Variants in TMEM245 observed in about 807,000 individuals in gnomAD.
TMEM245 encodes the protein transmembrane protein 245, also known as protein CG-2.
TMEM245 carries 69 observed loss-of-function variants against 101.2 expected under a neutral mutation model. That is an observed-to-expected ratio of 0.68 (90% CI 0.56 to 0.83). The LOEUF (loss-of-function observed/expected upper bound fraction) is 0.83, where lower values mean the gene tolerates loss of function less well. Ranked by LOEUF, TMEM245 falls within the 40% of genes least tolerant of loss-of-function variation. The pLI is 0.00. For missense variants in TMEM245, 1,075 were observed against 1,092.8 expected, an observed-to-expected ratio of 0.98 and a Z score of 0.23; for synonymous variants, 537 against 449.8, an observed-to-expected ratio of 1.19 and a Z score of -2.45.
chr9:109,087,852 C>T (rs1829886457), intron 5 of TMEM245, among the ~76,000 whole-genome samples: 1 of 152,162 alleles, frequency 6.6e-6, no homozygotes, highest in Non-Finnish European at 1.5e-5. Flanking sequence ...AATGTTGTTC[C>T]TATTTCCCCA....
chr9:109,118,650 A>T (rs1830797077), intron 1 of TMEM245, among the ~76,000 whole-genome samples: 1 of 152,158 alleles, frequency 6.6e-6, no homozygotes, highest in Non-Finnish European at 1.5e-5. Flanking sequence ...AGGCGGGAGG[A>T]GGTGTGCTGT....
intron 5 of TMEM245, among the ~76,000 whole-genome samples, chr9:109,088,772 C>T (rs1005730280): frequency 2.0e-5 from 3 of 148,494 alleles, no homozygotes; most frequent in Admixed American, 1.3e-4. Flanking sequence ...GCCGAGATCC[C>T]GCCACTGCAC....
intron 14 of TMEM245, among the ~76,000 whole-genome samples, chr9:109,040,051 TGGA>T (rs1337470365): frequency 6.6e-6 from 1 of 152,226 alleles, no homozygotes; most frequent in African/African-American, 2.4e-5. Context: ...AAGGACCACG[TGGA>T]GAAGACAGCA....
At position 109,037,368 on chromosome 9, in the gene TMEM245, T is replaced by G. The variant is rs543582970; in HGVS notation, c.2224+649A>C. On this transcript the variant is annotated intron_variant, in intron 15 of 17. Transcript: ENST00000374586. ...GTTATGCTAAGTGCTAGAACATTCA[T>G]TCATTGAACAAACATGTAGGGCAAC... Among the ~76,000 whole-genome samples, 8 of 152,328 alleles carry G rather than the reference T, an allele frequency of 5.3e-5. No individual in the cohort carries two copies. In the South Asian group the frequency reaches 1.7e-3, roughly 32 times the overall value.
chr9:109,086,667 T>C (rs1010252058), intron 6 of TMEM245, among the ~76,000 whole-genome samples: 26 of 152,246 alleles, frequency 1.7e-4, no homozygotes, highest in African/African-American at 6.3e-4. Context: ...CATGGATTCA[T>C]AGTCCATGCT....
At chr9:109,044,907 A>C (rs1469219659) in intron 14 of TMEM245, among the ~76,000 whole-genome samples, 1 of 151,896 alleles carries the variant, frequency 6.6e-6, no homozygotes. Flanking sequence ...CTACAGGTGC[A>C]TGCCACCAAG....
chr9:109,057,075 AAAT>A, intron 12 of TMEM245, 113 bp downstream of exon 12: 1 of 1,136,014 alleles, frequency 8.8e-7, no homozygotes, highest in East Asian at 2.6e-5. Flanking sequence ...TCAAATATGT[AAAT>A]GTCATGATGT....
Position 109,119,314 on chromosome 9 carries a change from G to A in TMEM245, c.579+21C>T, listed in dbSNP as rs1180820545. 3 of 1,519,162 alleles carry A rather than the reference G, an allele frequency of 2.0e-6. 1 individual carries two copies. In the South Asian group the frequency reaches 3.6e-5, roughly 18 times the overall value. 94.1% of individuals were successfully genotyped at this position (1,519,162 alleles called of 1,614,324 possible). Reference sequence around the variant, plus strand: ...GCCGGGACCACGGGCGGGGGACGGGGGCGGACTGCCGCTCACTCACCCACA... The same window carrying A: ...GCCGGGACCACGGGCGGGGGACGGGAGCGGACTGCCGCTCACTCACCCACA... On this transcript the variant is annotated intron_variant, in intron 1 of 17. Transcript: ENST00000374586.
chr9:109,090,018 T>A (rs1279223399), intron 5 of TMEM245, among the ~76,000 whole-genome samples: 1 of 152,156 alleles, frequency 6.6e-6, no homozygotes, highest in Non-Finnish European at 1.5e-5. Context: ...GCCAGCACTT[T>A]GGGAGGCGGA....
intron 1 of TMEM245, among the ~76,000 whole-genome samples, chr9:109,110,322 ATAT>A (rs566485999): frequency 1.1e-4 from 17 of 152,234 alleles, no homozygotes; most frequent in South Asian, 8.3e-4. Context: ...CCACAAAATA[ATAT>A]TATTATGATC....
intron 5 of TMEM245, among the ~76,000 whole-genome samples, chr9:109,088,456 A>G (rs1449081573): frequency 6.6e-6 from 1 of 152,202 alleles, no homozygotes; most frequent in East Asian, 1.9e-4. Flanking sequence ...ATTCCTGCTA[A>G]CAAACTTTAA....
At chr9:109,022,915 T>C (rs562366193) in intron 17 of TMEM245, among the ~76,000 whole-genome samples, 2 of 152,346 alleles carry the variant, frequency 1.3e-5, no homozygotes, top group African/African-American at 4.8e-5. Flanking sequence ...CTATTAACTA[T>C]TCATTTCCTC....
intron 8 of TMEM245, 90 bp downstream of exon 8, chr9:109,080,749 T>C: frequency 1.3e-6 from 1 of 785,874 alleles, no homozygotes. Flanking sequence ...AAGTTAACAT[T>C]TTCCATGCCC....
In TMEM245 at chr9:109,119,842, C is replaced by T. The variant is rs771891401; in HGVS notation, c.72G>A (p.Pro24=). Residue 24 remains proline, a synonymous_variant, in exon 1 of 18, where the codon CCG becomes CCA. Coordinates refer to ENST00000374586, the MANE Select transcript of TMEM245 (RefSeq NM_032012.4). ...CACCGCCACTCGGCCCGACCGCGCG[C>T]GGGACCCGCGGCGCCGGCCCGGGAG... The part of the protein sequence containing the change: ...RSSPGPAPRV[P]RAVGPSGGGG... 14 of 1,334,788 alleles carry T rather than the reference C, an allele frequency of 1.0e-5. No homozygotes were observed. Among genetic ancestry groups the T allele is most frequent in the Non-Finnish European group, 1.3e-5 (14 of 1,053,238 alleles). 82.7% of individuals were successfully genotyped at this position (1,334,788 alleles called of 1,614,324 possible).
intron 2 of TMEM245, among the ~76,000 whole-genome samples, chr9:109,106,834 A>T (rs1641722165): frequency 6.6e-6 from 1 of 152,168 alleles, no homozygotes; most frequent in South Asian, 2.1e-4. Context: ...TGGATAGGGT[A>T]CATGCCTGCC....
intron 1 of TMEM245, among the ~76,000 whole-genome samples, chr9:109,118,852 T>C (rs2132693370): frequency 6.6e-6 from 1 of 152,196 alleles, no homozygotes; most frequent in East Asian, 1.9e-4. Flanking sequence ...CAAACCCCTC[T>C]TTGTCCCTAA....
chr9:109,088,645 G>A (rs1588065524), intron 5 of TMEM245, among the ~76,000 whole-genome samples: 1 of 151,538 alleles, frequency 6.6e-6, no homozygotes, highest in Admixed American at 6.6e-5. Context: ...GTGAAACCCC[G>A]TCTCTACTAA....
At chr9:109,046,224 C>T (rs1332387520) in intron 14 of TMEM245, 1 of 534,384 alleles carries the variant, frequency 1.9e-6, no homozygotes. Flanking sequence ...TGCATGCACT[C>T]ATGTGAAAAT....
chr9:109,061,766 A>C (rs1321014111), intron 10 of TMEM245, among the ~76,000 whole-genome samples: 1 of 151,968 alleles, frequency 6.6e-6, no homozygotes. Flanking sequence ...ATGGGGTTTC[A>C]CCATGTTGGC....
Sources: allele counts gnomAD v4.1 joint callset (sites outside exome capture counted in the v4.1 genomes callset), GRCh38; gene constraint gnomAD v4.1.1; transcripts MANE v1.5; gene names NCBI Gene and HGNC (gene_info 2026-07-23, HGNC 2026-07-21).